ABLIM1: variants seen among roughly 807,000 people sequenced by gnomAD.
ABLIM1 encodes the protein actin binding LIM protein 1, also known as actin-binding LIM protein 1.
In ABLIM1, 40 loss-of-function variants were observed where a neutral mutation model predicts 107.0. That is an observed-to-expected ratio of 0.37 (90% CI 0.29 to 0.49). The LOEUF is 0.49. ABLIM1 is among the 20% of genes least tolerant of loss of function. The pLI, the probability that ABLIM1 is intolerant of heterozygous loss-of-function variation, is 0.97. For synonymous variants in ABLIM1, 357 were observed against 357.3 expected (o/e 1.00, Z 0.01); for missense variants, 857 against 1,008.5 (o/e 0.85, Z 2.04).
chr10:114,589,041 C>T (rs907356559), intron 2 of ABLIM1, among the ~76,000 whole-genome samples: 7 of 152,002 alleles, frequency 4.6e-5, no homozygotes, highest in Admixed American at 6.6e-5. Context: ...CACCTAGTGA[C>T]GACTTGGCCT....
intron 1 of ABLIM1, among the ~76,000 whole-genome samples, chr10:114,683,615 C>T (rs1219117230): frequency 1.3e-5 from 2 of 152,026 alleles, no homozygotes; most frequent in South Asian, 2.1e-4. Flanking sequence ...GCCTACCTGC[C>T]GTATCTGGAA....
chr10:114,688,313 C>T (rs1250468147), upstream of ABLIM1, among the ~76,000 whole-genome samples: 3 of 151,994 alleles, frequency 2.0e-5, no homozygotes, highest in Admixed American at 6.6e-5. Flanking sequence ...AAGTGCATTC[C>T]GCTTCTAATT....
intron 6 of ABLIM1, among the ~76,000 whole-genome samples, chr10:114,534,942 A>T (rs959066776): frequency 2.7e-4 from 41 of 152,230 alleles, no homozygotes; most frequent in Non-Finnish European, 4.8e-4. Context: ...GTGCCCTGGC[A>T]CAACACATTT....
At chr10:114,636,246 A>G (rs1028262051) in intron 1 of ABLIM1, among the ~76,000 whole-genome samples, 1 of 152,198 alleles carries the variant, frequency 6.6e-6, no homozygotes, top group African/African-American at 2.4e-5. Flanking sequence ...GCAAGAAGGC[A>G]TCCAGTAGTT....
At chr10:114,792,912 G>A in the ABLIM1 span, among the ~76,000 whole-genome samples, 3 of 152,298 alleles carry the variant, frequency 2.0e-5, no homozygotes, top group Middle Eastern at 3.4e-3. Flanking sequence ...AGCACTTTGG[G>A]AGGCAGAAGT....
At chr10:114,695,830 A>C (rs561918748) in intron 1 of ABLIM1, among the ~76,000 whole-genome samples, 2 of 152,320 alleles carry the variant, frequency 1.3e-5, no homozygotes, top group East Asian at 3.9e-4. Flanking sequence ...AAGGCACCTC[A>C]AATTTTGATC....
chr10:114,749,618 C>T (rs1383137280), intron 1 of ABLIM1, among the ~76,000 whole-genome samples: 2 of 152,156 alleles, frequency 1.3e-5, no homozygotes, highest in African/African-American at 2.4e-5. Flanking sequence ...CTCTGCTCAA[C>T]ACCCTTGAGT....
At chr10:114,760,404 TCACACACACACACACACACACACACACA>T (rs3981296) in intron 1 of ABLIM1, among the ~76,000 whole-genome samples, 25 of 143,630 alleles carry the variant, frequency 1.7e-4, no homozygotes, top group South Asian at 2.4e-4. Context: ...AATTTCTCCT[TCACACACACACACACACACACACACACA>T]CACACACACA....
intron 6 of ABLIM1, among the ~76,000 whole-genome samples, chr10:114,515,350 G>A (rs1427123161): frequency 6.6e-5 from 10 of 152,184 alleles, no homozygotes; most frequent in African/African-American, 2.4e-4. Flanking sequence ...CTGGAGAGGT[G>A]ACATTCCGAT....
chr10:114,468,563 C>T (rs577426095), intron 10 of ABLIM1, among the ~76,000 whole-genome samples: 4 of 152,130 alleles, frequency 2.6e-5, no homozygotes, highest in African/African-American at 7.2e-5. Context: ...CGTGAGCCAC[C>T]GCGCCTGGCC....
intron 1 of ABLIM1, among the ~76,000 whole-genome samples, chr10:114,676,434 G>A (rs950684851): frequency 2.6e-5 from 4 of 151,844 alleles, no homozygotes; most frequent in East Asian, 1.9e-4. Flanking sequence ...CCGAGATCGC[G>A]ACACTGCACT....
At chr10:114,493,944 A>G (rs1405896924) in intron 6 of ABLIM1, among the ~76,000 whole-genome samples, 2 of 152,226 alleles carry the variant, frequency 1.3e-5, no homozygotes, top group Non-Finnish European at 2.9e-5. Context: ...CACACAAAAA[A>G]TACACTTTTT....
At chr10:114,796,097 G>A in the ABLIM1 span, among the ~76,000 whole-genome samples, 1 of 152,176 alleles carries the variant, frequency 6.6e-6, no homozygotes, top group African/African-American at 2.4e-5. Context: ...CTCACTTCAT[G>A]TTGGCCACTA....
intron 1 of ABLIM1, among the ~76,000 whole-genome samples, chr10:114,644,309 ATAT>A (rs2078905755): frequency 1.2e-3 from 113 of 94,184 alleles, no homozygotes; most frequent in African/African-American, 5.1e-3. Context: ...AAAAAAAAAT[ATAT>A]ATATATATAT....
intron 6 of ABLIM1, among the ~76,000 whole-genome samples, chr10:114,518,244 G>A (rs1385431807): frequency 2.6e-5 from 4 of 152,148 alleles, no homozygotes; most frequent in Non-Finnish European, 5.9e-5. Flanking sequence ...CCCCGTATTT[G>A]TAAGTATCTG....
chr10:114,768,966 TC>T (rs1390066353), upstream of ABLIM1, among the ~76,000 whole-genome samples: 3 of 151,764 alleles, frequency 2.0e-5, no homozygotes, highest in African/African-American at 7.3e-5. Context: ...AGCCACCAGA[TC>T]TAGAAATTCT....
chr10:114,604,566 G>C (rs978268940), intron 1 of ABLIM1, among the ~76,000 whole-genome samples: 5 of 152,180 alleles, frequency 3.3e-5, no homozygotes, highest in African/African-American at 1.2e-4. Flanking sequence ...CTAGGAGTGG[G>C]AGTCAGGCAT....
intron 1 of ABLIM1, among the ~76,000 whole-genome samples, chr10:114,604,739 C>T (rs1320999102): frequency 6.6e-6 from 1 of 152,232 alleles, no homozygotes; most frequent in East Asian, 1.9e-4. Context: ...TATGAGAACA[C>T]AGTGAATCTC....
chr10:114,667,222 T>C (rs1418993341), intron 1 of ABLIM1, among the ~76,000 whole-genome samples: 1 of 152,196 alleles, frequency 6.6e-6, no homozygotes, highest in Admixed American at 6.5e-5. Context: ...TTTAGAAGCA[T>C]TGGAAGTTTC....
Sources: gnomAD v4.1 joint callset for allele counts (sites outside exome capture counted in the v4.1 genomes callset) on GRCh38, gnomAD v4.1.1 for gene constraint, MANE v1.5 for transcripts, NCBI Gene and HGNC (gene_info 2026-07-23, HGNC 2026-07-21) for gene names.